Variants in ADGRG4 observed in about 807,000 individuals in gnomAD.
ADGRG4 encodes adhesion G protein-coupled receptor G4, also known as G protein-coupled receptor 112.
ADGRG4 carries 122 observed loss-of-function variants against 126.2 expected under a neutral mutation model. That is an observed-to-expected ratio of 0.97 (90% CI 0.83 to 1.12). The LOEUF is 1.12. Among genes scored for constraint, ADGRG4 ranks in the 50% most tolerant of loss-of-function variants. The pLI is 0.00. For synonymous variants in ADGRG4, 943 were observed against 838.7 expected, an observed-to-expected ratio of 1.12 and a Z score of -2.15; for missense variants, 2,481 against 2,251.8, an observed-to-expected ratio of 1.10 and a Z score of -2.06.
At chrX:136,396,853 A>G (rs1485271088) in intron 19 of ADGRG4, among the ~76,000 whole-genome samples, 21 of 106,587 alleles carry the variant, frequency 2.0e-4, no homozygotes, top group African/African-American at 7.2e-4. Context: ...CAGTGGTGCA[A>G]TCTCGGGTCA....
At position 136,346,155 on chromosome X, in the gene ADGRG4, A is replaced by G; in HGVS notation, c.2449A>G (p.Ile817Val). 3 of 1,208,276 alleles carry G rather than the reference A, an allele frequency of 2.5e-6. No individual in the cohort carries two copies. The highest frequency in any genetic ancestry group is 3.4e-6 in the Non-Finnish European group (3 of 893,475). ...CACACAAACAGAAATAAATGGTGCAATTGTATTTGGAGGTACAACGACCCC... is the reference window on the plus strand; with the variant it reads ...CACACAAACAGAAATAAATGGTGCAGTTGTATTTGGAGGTACAACGACCCC... ...ETTQTEINGAIVFGGTTTPVP... is the reference protein window; with the variant it reads ...ETTQTEINGAVVFGGTTTPVP... The change falls in exon 6 of 26, where the codon ATT becomes GTT. Residue 817 changes from isoleucine (I) to valine (V), a missense_variant. Physicochemically the swap from Ile to Val is conservative, Grantham distance 29. Transcript: ENST00000394143.
In ADGRG4 at chrX:136,348,853, G is replaced by A. The variant is rs971834001; in HGVS notation, c.5147G>A (p.Gly1716Asp). ...CAAGCAGATGAGGCTACAACTTTGG[G>A]CATATTATCTGGGATTACTAACAGG... ...SSQADEATTL[G>D]ILSGITNRSL... The change falls in exon 6 of 26, where the codon GGC becomes GAC. Residue 1716 changes from glycine to aspartate, a missense_variant. By Grantham distance (94) the Gly-to-Asp change is moderately conservative. Transcript: ENST00000394143. 5.0e-6 allele frequency: 6 copies of A among 1,209,251 alleles called. No individual in the cohort carries two copies. Among genetic ancestry groups the A allele is most frequent in the Non-Finnish European group, 6.7e-6 (6 of 894,526 alleles).
chrX:136,311,104 G>C (rs2074767240), intron 4 of ADGRG4, among the ~76,000 whole-genome samples: 1 of 110,536 alleles, frequency 9.0e-6, no homozygotes, highest in Non-Finnish European at 1.9e-5. Context: ...GAGAGCAAGA[G>C]AGCTCTGCTT....
At chrX:136,351,275 T>A (rs1301680160) in intron 6 of ADGRG4, among the ~76,000 whole-genome samples, 172 bp from the exon 7 acceptor site, 1 of 111,459 alleles carries the variant, frequency 9.0e-6, no homozygotes, top group Non-Finnish European at 1.9e-5. Context: ...TGCTTTTTGA[T>A]ATGGAGCCGA....
At chrX:136,333,969 T>C (rs2074930560) in intron 5 of ADGRG4, among the ~76,000 whole-genome samples, 2 of 111,932 alleles carry the variant, frequency 1.8e-5, no homozygotes, top group African/African-American at 6.5e-5. Context: ...TTTTCTCCTA[T>C]ATTTTTTCTA....
chrX:136,315,165 G>A (rs1191506568), intron 4 of ADGRG4, among the ~76,000 whole-genome samples: 1 of 110,371 alleles, frequency 9.1e-6, no homozygotes, highest in African/African-American at 3.3e-5. Context: ...CCAGTGGAAA[G>A]TGTGGGCAGT....
chrX:136,416,325 C>A, intron 25 of ADGRG4, 129 bp from the exon 26 acceptor site: 1 of 490,547 alleles, frequency 2.0e-6, no homozygotes, highest in Non-Finnish European at 3.5e-6. Flanking sequence ...CCAAAGAAAG[C>A]ACCATATCCT....
chrX:136,396,366 C>CAT (rs747291704), intron 19 of ADGRG4, among the ~76,000 whole-genome samples: 3,849 of 94,935 alleles, frequency 0.041, 101 homozygotes, highest in African/African-American at 0.078. Flanking sequence ...ATTTATTTTA[C>CAT]ATATATATAT....
chrX:136,364,643 A>T (rs1177010456), intron 13 of ADGRG4, among the ~76,000 whole-genome samples: 2 of 111,599 alleles, frequency 1.8e-5, no homozygotes, highest in Non-Finnish European at 3.8e-5. Flanking sequence ...ACATATTTTT[A>T]AAAATACTCA....
In ADGRG4 at chrX:136,349,942, G is replaced by T; in HGVS notation, c.6236G>T (p.Gly2079Val). The change falls in exon 6 of 26, where the codon GGT (glycine) becomes GTT (valine). Residue 2079 changes from glycine (G) to valine (V), a missense_variant. Gly to Val is a moderately radical substitution (Grantham distance 109). Transcript: ENST00000394143. ...ACCATTCCTACACCTACACTGGGTG[G>T]TATCACTACTGGCTTCCCAACTTCT... ...TRTIPTPTLGGITTGFPTSLP... is the reference protein window; with the variant it reads ...TRTIPTPTLGVITTGFPTSLP... 5.0e-6 allele frequency: 6 copies of T among 1,210,455 alleles called. No individual in the cohort carries two copies. The East Asian group carries it at 1.5e-4, about 30-fold the overall frequency.
In ADGRG4 at chrX:136,372,842, G is replaced by A; in HGVS notation, c.7614-60G>A. On this transcript the variant is annotated intron_variant, in intron 14 of 25. Transcript: ENST00000394143. ...GTCTTGCAATAAGGAAATCTTGCAA[G>A]GAGGATGGGTTTTACTTTTAAAAGG... is the stretch of plus-strand genomic sequence containing the variant. The A allele has an allele frequency of 9.1e-6, 10 of 1,102,412 alleles. No homozygotes were observed. In the South Asian group the frequency reaches 1.1e-4, roughly 12 times the overall value. The allele number at this position is 1,102,412 out of a possible 1,213,427, so 90.9% of individuals were successfully genotyped here.
chrX:136,401,326 A>G (rs1267090562), intron 21 of ADGRG4, among the ~76,000 whole-genome samples: 3 of 111,802 alleles, frequency 2.7e-5, no homozygotes, highest in African/African-American at 6.5e-5. Context: ...TAACCCACAC[A>G]TGGCCAATTG....
intron 4 of ADGRG4, among the ~76,000 whole-genome samples, chrX:136,320,159 G>T (rs2074831185): frequency 8.9e-6 from 1 of 111,832 alleles, no homozygotes; most frequent in Admixed American, 9.5e-5. Context: ...TATAGAGGTA[G>T]CAATTTTCCT....
chrX:136,376,328 A>T (rs2148483870), intron 15 of ADGRG4, among the ~76,000 whole-genome samples: 1 of 112,394 alleles, frequency 8.9e-6, no homozygotes, highest in South Asian at 3.7e-4. Flanking sequence ...GAAGTTGGGT[A>T]ATATGATGCC....
rs750842450 is a variant in ADGRG4 at position 136,344,834 on chromosome X, A to G, written c.1128A>G (p.Thr376=). 3.3e-6 allele frequency: 4 copies of G among 1,208,163 alleles called. No homozygotes were observed. The South Asian group carries it at 7.0e-5, about 21-fold the overall frequency. ...CTACACCTTCTAATTTCCTATCCAC[A>G]TCCAGATTTACCAAGAATTCAGTTG... ...QPPTPSNFLS[T]SRFTKNSVVS... Residue 376 remains threonine, a synonymous_variant, in exon 6 of 26, where the codon ACA becomes ACG. Transcript: ENST00000394143.
At chrX:136,380,740 GTCTC>G (rs1267317503) in intron 15 of ADGRG4, among the ~76,000 whole-genome samples, 8 of 101,816 alleles carry the variant, frequency 7.9e-5, no homozygotes, top group African/African-American at 2.9e-4. Flanking sequence ...TTAAGATGAG[GTCTC>G]TCTGTCACCC....
intron 15 of ADGRG4, among the ~76,000 whole-genome samples, chrX:136,380,562 T>TTCC (rs2075253850): frequency 1.0e-5 from 1 of 98,188 alleles, no homozygotes; most frequent in African/African-American, 3.7e-5. Flanking sequence ...CTTCTTCTTC[T>TTCC]TCTTCCTCTT....
At chrX:136,316,279 C>A (rs1045544591) in intron 4 of ADGRG4, among the ~76,000 whole-genome samples, 2 of 110,807 alleles carry the variant, frequency 1.8e-5, no homozygotes. Context: ...CTTTGAAACA[C>A]TTGAACATTT....
intron 13 of ADGRG4, 128 bp from the exon 14 acceptor site, chrX:136,371,200 T>C: frequency 2.6e-6 from 1 of 377,700 alleles, no homozygotes; most frequent in Non-Finnish European, 4.6e-6. Context: ...AATATTTTCC[T>C]TCTGTAAACA....
Sources: gnomAD v4.1 joint callset for allele counts (sites outside exome capture counted in the v4.1 genomes callset) on GRCh38, gnomAD v4.1.1 for gene constraint, MANE v1.5 for transcripts, NCBI Gene and HGNC (gene_info 2026-07-23, HGNC 2026-07-21) for gene names.